The following XRN1 variants were observed in gnomAD, a reference collection of about 807,000 sequenced individuals.
The protein encoded by XRN1 is strand-exchange protein 1 homolog.
XRN1 carries 67 observed loss-of-function variants against 222.3 expected under a neutral mutation model. That is an observed-to-expected ratio of 0.30 (90% confidence interval 0.25 to 0.37). XRN1 has a LOEUF of 0.37. Ranked by LOEUF, XRN1 falls within the 10% of genes least tolerant of loss-of-function variation. The pLI, the probability that XRN1 is intolerant of heterozygous loss-of-function variation, is 1.00. For missense variants in XRN1, 1,707 were observed against 2,000.2 expected, an observed-to-expected ratio of 0.85 and a Z score of 2.80; for synonymous variants, 643 against 652.4, an observed-to-expected ratio of 0.99 and a Z score of 0.22.
At chr3:142,350,796 G>C (rs141379203) in intron 32 of XRN1, among the ~76,000 whole-genome samples, 32 of 152,330 alleles carry the variant, frequency 2.1e-4, no homozygotes, top group Admixed American at 5.2e-4. Context: ...CTTAAGGTCT[G>C]AGTGAAAGGA....
intron 2 of XRN1, among the ~76,000 whole-genome samples, chr3:142,432,191 AATTT>A (rs1168130369): frequency 1.9e-5 from 2 of 106,832 alleles, no homozygotes; most frequent in African/African-American, 6.5e-5. Flanking sequence ...TTATATATAA[AATTT>A]ATTTTATATA....
chr3:142,397,244 A>G, intron 20 of XRN1, 85 bp downstream of exon 20: 1 of 1,309,938 alleles, frequency 7.6e-7, no homozygotes, highest in Non-Finnish European at 1.0e-6. Flanking sequence ...AGTAACTACT[A>G]TGTTAAATGG....
chr3:142,360,211 A>T (rs2066576857), intron 29 of XRN1, among the ~76,000 whole-genome samples: 1 of 152,176 alleles, frequency 6.6e-6, no homozygotes, highest in Non-Finnish European at 1.5e-5. Flanking sequence ...TTATACTTCT[A>T]CTACATACAT....
chr3:142,391,756 AT>A (rs2107979886), intron 20 of XRN1, among the ~76,000 whole-genome samples: 1 of 114,906 alleles, frequency 8.7e-6, no homozygotes, highest in African/African-American at 2.9e-5. Flanking sequence ...AAAAATATAT[AT>A]ATATATATAT....
At position 142,318,569 on chromosome 3, in the gene XRN1, C is replaced by G. The variant is rs761094455; in HGVS notation, c.4621+23G>C. 23 of 1,562,082 alleles carry G rather than the reference C, an allele frequency of 1.5e-5. No individual in the cohort carries two copies. In the African/African-American group the frequency reaches 2.6e-4, roughly 17 times the overall value. ...AAAAATAACAACTCAATGACAAATA[C>G]TTATAAATGAAAAATATCTTACCAG... is the stretch of plus-strand genomic sequence containing the variant. On this transcript the variant is annotated intron_variant, in intron 39 of 40. Coordinates refer to ENST00000392981, the MANE Select transcript of XRN1 (RefSeq NM_001282857.2).
chr3:142,399,506 C>T (rs1014280301), intron 19 of XRN1, among the ~76,000 whole-genome samples: 2 of 151,816 alleles, frequency 1.3e-5, no homozygotes, highest in Admixed American at 1.3e-4. Context: ...AAGAAAATAT[C>T]AAAGAAAATC....
Position 142,311,698 on chromosome 3 carries a change from C to G in XRN1, c.4898G>C (p.Ser1633Thr), listed in dbSNP as rs2065080599. The change falls in exon 41 of 41, where the codon AGT becomes ACT. Residue 1633 changes from serine to threonine, a missense_variant. By Grantham distance (58) the Ser-to-Thr change is moderately conservative. Around this residue, in one of 2 missense-constraint regions of XRN1, gnomAD observed 473 missense variants for 482.0 expected, o/e 0.98. Transcript: ENST00000392981. ...AGAAGCTGATGAGCTCTCCCGTGGA[C>G]TTACTTTGACAATGTTGGAAGAATC... is the stretch of plus-strand genomic sequence containing the variant. ...QPDSSNIVKVSPRESSSASLK... is the reference protein window; with the variant it reads ...QPDSSNIVKVTPRESSSASLK... 1.2e-6 allele frequency: 2 copies of G among 1,614,138 alleles called. No homozygotes were observed. The highest frequency in any genetic ancestry group is 1.7e-6 in the Non-Finnish European group (2 of 1,180,004).
At chr3:142,407,765 G>A (rs1477782312) in intron 15 of XRN1, 1 of 152,160 alleles carries the variant, frequency 6.6e-6, no homozygotes, top group African/African-American at 2.4e-5. Flanking sequence ...CTGCTGAAGA[G>A]AGCACTGTCT....
At chr3:142,386,209 C>A (rs1025777324) in intron 20 of XRN1, among the ~76,000 whole-genome samples, 4 of 151,876 alleles carry the variant, frequency 2.6e-5, no homozygotes, top group Non-Finnish European at 4.4e-5. Flanking sequence ...CAACAGCTGA[C>A]CAGGACATTT....
Position 142,347,241 on chromosome 3 carries a change from G to A in XRN1, c.3870C>T (p.His1290=). 1 of 1,598,156 alleles carries A rather than the reference G, an allele frequency of 6.3e-7. No homozygotes were observed. Among genetic ancestry groups the A allele is most frequent in the Non-Finnish European group, 8.5e-7 (1 of 1,170,810 alleles). Residue 1290 remains histidine, a synonymous_variant, in exon 33 of 41, where the codon CAC becomes CAT. Coordinates refer to ENST00000392981, the MANE Select transcript of XRN1 (RefSeq NM_001282857.2). ...VKYQQRKHDP[H]RKFKEECKSP... ...TTCTAATTTAAAACTTACATTTTCT[G>A]TGAGGGTCATGTTTTCTTTGCTGAT... is the stretch of plus-strand genomic sequence containing the variant.
At chr3:142,363,345 T>A (rs1389250077) in intron 29 of XRN1, among the ~76,000 whole-genome samples, 1 of 151,932 alleles carries the variant, frequency 6.6e-6, no homozygotes, top group Non-Finnish European at 1.5e-5. Flanking sequence ...TTAAATTACA[T>A]TTTTTTTCTT....
At chr3:142,354,827 G>A (rs1021161623) in intron 32 of XRN1, among the ~76,000 whole-genome samples, 1 of 151,976 alleles carries the variant, frequency 6.6e-6, no homozygotes, top group Non-Finnish European at 1.5e-5. Flanking sequence ...CACAGTGCCC[G>A]GCCAGATTTT....
chr3:142,325,082 C>T (rs1441227882), intron 37 of XRN1, among the ~76,000 whole-genome samples: 1 of 152,118 alleles, frequency 6.6e-6, no homozygotes, highest in African/African-American at 2.4e-5. Context: ...CTATACCCAG[C>T]AGTGGAATTG....
intron 27 of XRN1, among the ~76,000 whole-genome samples, chr3:142,365,722 C>G (rs530853471): frequency 1.1e-4 from 16 of 152,224 alleles, no homozygotes; most frequent in Admixed American, 1.0e-3. Context: ...GAAATCCTTT[C>G]CATCTCCTCC....
At chr3:142,399,648 C>CA (rs1363208321) in intron 19 of XRN1, among the ~76,000 whole-genome samples, 1 of 151,690 alleles carries the variant, frequency 6.6e-6, no homozygotes, top group Non-Finnish European at 1.5e-5. Context: ...ATTTCATATA[C>CA]AAAAGCAGAT....
Position 142,318,811 on chromosome 3 carries a change from T to A in XRN1, c.4497A>T (p.Ala1499=). ...TTACCAACTGTTGTAAAGCAAAAAG[T>A]GCAGCTTTCTCTTTGGCTTCATTTT... ...HSENEAKEKA[A]LFALQQLGSL... is the part of the protein sequence containing the mutation. Residue 1499 remains alanine (A), a synonymous_variant, in exon 38 of 41, where the codon GCA becomes GCT. Transcript: ENST00000392981. 4 of 1,613,948 alleles carry A rather than the reference T, an allele frequency of 2.5e-6. No individual in the cohort carries two copies. The highest frequency in any genetic ancestry group is 3.4e-6 in the Non-Finnish European group (4 of 1,179,902).
chr3:142,372,071 T>TG (rs2067006328), intron 25 of XRN1, among the ~76,000 whole-genome samples: 1 of 152,064 alleles, frequency 6.6e-6, no homozygotes, highest in East Asian at 1.9e-4. Context: ...TTTGAAAGTG[T>TG]GGGGTGAGGT....
At chr3:142,319,245 C>T (rs968059330) in intron 37 of XRN1, among the ~76,000 whole-genome samples, 3 of 152,182 alleles carry the variant, frequency 2.0e-5, no homozygotes, top group African/African-American at 7.2e-5. Flanking sequence ...ATTCTAATGG[C>T]TACTTTCACA....
At chr3:142,323,380 C>T (rs1179421130) in intron 37 of XRN1, among the ~76,000 whole-genome samples, 1 of 151,512 alleles carries the variant, frequency 6.6e-6, no homozygotes, top group Non-Finnish European at 1.5e-5. Context: ...TGGGGTTTCA[C>T]CACACTGGCC....
Sources: allele counts gnomAD v4.1 joint callset (sites outside exome capture counted in the v4.1 genomes callset), GRCh38; gene constraint gnomAD v4.1.1; regional missense constraint gnomAD v4.1.1; transcripts MANE v1.5; gene names NCBI Gene and HGNC (gene_info 2026-07-23, HGNC 2026-07-21).